SYNE2: variants seen among roughly 807,000 people sequenced by gnomAD.
SYNE2 encodes nesprin-2.
A neutral mutation model predicts 856.3 loss-of-function variants in SYNE2; 431 were observed. The ratio of observed to expected loss-of-function variants is 0.50; its 90% CI spans 0.47 to 0.55. SYNE2 has a LOEUF of 0.55. Among genes scored for constraint, SYNE2 ranks in the 20% least tolerant of loss-of-function variants. The probability of loss-of-function intolerance (pLI) is 0.00; values close to 1 mark genes in which losing one functional copy is unlikely to be tolerated. For synonymous variants in SYNE2, 2,923 were observed against 2,872.3 expected (o/e 1.02, Z -0.56); for missense variants, 8,129 against 8,023.2 (o/e 1.01, Z -0.50).
intron 111 of SYNE2, 91 bp from the exon 112 acceptor site, chr14:64,221,485 G>C (rs569342086): frequency 6.2e-7 from 1 of 1,612,846 alleles, no homozygotes. Context: ...GCAAATGACT[G>C]TGATGGATTG....
chr14:63,923,561 C>T (rs1214882825), intron 2 of SYNE2, among the ~76,000 whole-genome samples: 1 of 152,194 alleles, frequency 6.6e-6, no homozygotes, highest in Non-Finnish European at 1.5e-5. Context: ...GGGGTAGGTG[C>T]TGCAGGCAAA....
rs201622508 is a variant in SYNE2 at position 64,000,594 on chromosome 14, A to G, written c.3513A>G (p.Lys1171=). ...VIKNETDARW[K]EFEIISLKLE... ...AAAATGAAACTGATGCTCGCTGGAA[A>G]GAGTTTGAAATTATTTCATTGAAGT... The change falls in exon 28 of 116, where the codon AAA becomes AAG. Residue 1171 remains lysine, a synonymous_variant. Transcript: ENST00000555002. 51 of 1,613,602 alleles carry G rather than the reference A, an allele frequency of 3.2e-5. No homozygotes were observed. The highest frequency in any genetic ancestry group is 1.7e-4 in the Middle Eastern group (1 of 6,056).
intron 32 of SYNE2, among the ~76,000 whole-genome samples, chr14:64,014,701 G>T (rs2096874328): frequency 6.6e-6 from 1 of 152,030 alleles, no homozygotes; most frequent in African/African-American, 2.4e-5. Flanking sequence ...GGGATTACAG[G>T]CGTGAGCCAC....
At chr14:64,199,244 G>T (rs539617787) in intron 99 of SYNE2, among the ~76,000 whole-genome samples, 1,999 of 152,266 alleles carry the variant, frequency 0.013, 40 homozygotes, top group African/African-American at 0.045. Context: ...TCTCCAGTAT[G>T]TGCATGTTAG....
At chr14:63,803,684 C>T (rs1888250617) in intron 1 of SYNE2, among the ~76,000 whole-genome samples, 1 of 152,220 alleles carries the variant, frequency 6.6e-6, no homozygotes, top group Non-Finnish European at 1.5e-5. Flanking sequence ...TGGGCTCAAG[C>T]CTTGGCCAGC....
intron 23 of SYNE2, 113 bp downstream of exon 23, chr14:63,995,315 C>A: frequency 1.2e-6 from 1 of 857,816 alleles, no homozygotes; most frequent in Non-Finnish European, 1.9e-6. Flanking sequence ...CCCTAGCCCT[C>A]CTCTCCCCGG....
At chr14:64,209,871 G>C in intron 102 of SYNE2, 71 bp from the exon 103 acceptor site, 1 of 1,603,788 alleles carries the variant, frequency 6.2e-7, no homozygotes, top group South Asian at 1.1e-5. Flanking sequence ...AGGTCGCTTG[G>C]GATGTAGAAG....
intron 95 of SYNE2, among the ~76,000 whole-genome samples, chr14:64,177,014 T>C (rs992368850): frequency 6.6e-6 from 1 of 152,036 alleles, no homozygotes; most frequent in African/African-American, 2.4e-5. Flanking sequence ...GCCAGGCTGG[T>C]CTCAAACTCC....
In SYNE2 at chr14:63,825,282, T is replaced by C. The variant is rs116433197; in HGVS notation, c.-304-27219T>C. On this transcript the variant is annotated intron_variant, in intron 1 of 23. Coordinates refer to the SYNE2 transcript ENST00000674003. ...AGCACTGGAGTGAGATCAAAAAAAT[T>C]ACCAAGGTTGGAAGGAAAGAAGTTA... 3.3e-3 allele frequency among the ~76,000 whole-genome samples: 498 copies of C among 152,114 alleles called. 1 individual carries two copies. Among genetic ancestry groups the C allele is most frequent in the African/African-American group, 0.011 (477 of 41,492 alleles).
intron 1 of SYNE2, among the ~76,000 whole-genome samples, chr14:63,865,508 CCTCCCAAGTAGCTGGAGGCTA>C (rs1291316627): frequency 2.6e-5 from 4 of 151,984 alleles, no homozygotes; most frequent in African/African-American, 9.7e-5. Context: ...CCTGCCTTAG[CCTCCCAAGTAGCTGGAGGCTA>C]CTCCCAAGTG....
intron 1 of SYNE2, among the ~76,000 whole-genome samples, chr14:63,836,084 G>A (rs1045160529): frequency 1.3e-5 from 2 of 152,002 alleles, no homozygotes; most frequent in Non-Finnish European, 2.9e-5. Flanking sequence ...CACTCAGGCT[G>A]GAGTGCAGTG....
chr14:64,118,631 G>T (rs547057762), intron 66 of SYNE2, among the ~76,000 whole-genome samples: 1 of 152,096 alleles, frequency 6.6e-6, no homozygotes, highest in Non-Finnish European at 1.5e-5. Flanking sequence ...GGGAGGCCTA[G>T]GTGGGCAGAT....
chr14:64,016,719 A>G, intron 33 of SYNE2, 88 bp downstream of exon 33: 2 of 898,652 alleles, frequency 2.2e-6, no homozygotes, highest in Non-Finnish European at 3.5e-6. Context: ...TCAAGATTCA[A>G]AAATACTCAT....
chr14:64,205,097 G>T (rs572880781), intron 100 of SYNE2, among the ~76,000 whole-genome samples: 1 of 152,234 alleles, frequency 6.6e-6, no homozygotes, highest in Admixed American at 6.5e-5. Flanking sequence ...GGCCCACCCT[G>T]ATAATCCAGG....
chr14:64,129,711 T>C, intron 74 of SYNE2, 71 bp from the exon 75 acceptor site: 1 of 1,603,094 alleles, frequency 6.2e-7, no homozygotes, highest in Admixed American at 1.7e-5. Flanking sequence ...TATTTAATTC[T>C]TTTTAGATAA....
chr14:63,810,901 G>A (rs986010335), intron 1 of SYNE2, among the ~76,000 whole-genome samples: 1 of 151,410 alleles, frequency 6.6e-6, no homozygotes, highest in Admixed American at 6.6e-5. Context: ...GTGGCACAAT[G>A]TCAGCTCACT....
At chr14:63,909,292 C>G (rs2095444610) in intron 2 of SYNE2, 65 bp downstream of exon 2, 1 of 1,074,514 alleles carries the variant, frequency 9.3e-7, no homozygotes, top group South Asian at 1.3e-5. Flanking sequence ...TATCTAGTTG[C>G]AAGTCACACT....
At chr14:64,107,982 C>T (rs1361980368) in intron 65 of SYNE2, among the ~76,000 whole-genome samples, 2 of 152,108 alleles carry the variant, frequency 1.3e-5, no homozygotes, top group African/African-American at 2.4e-5. Context: ...CTGTTTAACC[C>T]TCAGACTGTA....
At chr14:63,917,808 AAAAT>A (rs1329815436) in intron 2 of SYNE2, among the ~76,000 whole-genome samples, 1 of 152,206 alleles carries the variant, frequency 6.6e-6, no homozygotes, top group Non-Finnish European at 1.5e-5. Flanking sequence ...AATTAAATGA[AAAAT>A]AAAATAAGAG....
Sources: gnomAD v4.1 joint callset for allele counts (sites outside exome capture counted in the v4.1 genomes callset) on GRCh38, gnomAD v4.1.1 for gene constraint, MANE v1.5 for transcripts, NCBI Gene and HGNC (gene_info 2026-07-23, HGNC 2026-07-21) for gene names.